UBL3: variants seen among roughly 807,000 people sequenced by gnomAD.
UBL3 encodes the protein ubiquitin like 3.
In UBL3, 6 loss-of-function variants were observed where a neutral mutation model predicts 18.4. That is an observed-to-expected ratio of 0.33 (90% CI 0.18 to 0.64). The LOEUF is 0.64. Ranked by LOEUF, UBL3 falls within the 30% of genes least tolerant of loss-of-function variation. The pLI is 0.76. For missense variants in UBL3, 109 were observed against 142.9 expected, an observed-to-expected ratio of 0.76 and a Z score of 1.21; for synonymous variants, 49 against 46.6, an observed-to-expected ratio of 1.05 and a Z score of -0.21.
intron 1 of UBL3, among the ~76,000 whole-genome samples, chr13:29,848,715 A>G (rs1259821202): frequency 6.6e-6 from 1 of 152,186 alleles, no homozygotes; most frequent in African/African-American, 2.4e-5. Context: ...CTGTAAGGTT[A>G]CACGGTTACT....
At chr13:29,820,687 G>A (rs887508597) in intron 1 of UBL3, among the ~76,000 whole-genome samples, 1 of 151,990 alleles carries the variant, frequency 6.6e-6, no homozygotes, top group Non-Finnish European at 1.5e-5. Context: ...ATTAACTATA[G>A]ACATTGCTTA....
At chr13:29,838,642 A>G (rs563061030) in intron 1 of UBL3, among the ~76,000 whole-genome samples, 17 of 152,352 alleles carry the variant, frequency 1.1e-4, no homozygotes, top group African/African-American at 3.8e-4. Flanking sequence ...AAAGATAGTA[A>G]AAGAATTTAT....
chr13:29,839,693 T>C (rs2892464), intron 1 of UBL3, among the ~76,000 whole-genome samples: 136,861 of 152,110 alleles, frequency 0.9, 61,746 homozygotes, highest in East Asian at 0.98. Flanking sequence ...TTTGGGAGGC[T>C]GAGGCGGGAG....
Position 29,827,603 on chromosome 13 carries a change from A to G in UBL3, c.27+21909T>C, listed in dbSNP as rs539435891. Among the ~76,000 whole-genome samples the G allele has an allele frequency of 2.7e-4, 41 of 152,282 alleles. No homozygotes were observed. The South Asian group carries it at 5.4e-3, about 20-fold the overall frequency. On this transcript the variant is annotated intron_variant, in intron 1 of 4. Transcript: ENST00000380680. Reference sequence around the variant, plus strand: ...CACATGAGATGGGTTTCCTGAATACAGCACACTGATGGGTCTTGACTCTTT... The same window carrying G: ...CACATGAGATGGGTTTCCTGAATACGGCACACTGATGGGTCTTGACTCTTT...
At chr13:29,803,612 GA>G (rs59408343) in intron 1 of UBL3, among the ~76,000 whole-genome samples, 7 of 143,876 alleles carry the variant, frequency 4.9e-5, no homozygotes, top group East Asian at 4.0e-4. Flanking sequence ...ATGGAAAACA[GA>G]AAAAAAAAAG....
chr13:29,772,236 A>G, intron 2 of UBL3, 38 bp from the exon 3 acceptor site: 1 of 1,532,548 alleles, frequency 6.5e-7, no homozygotes, highest in Non-Finnish European at 8.9e-7. Context: ...GTATATTCCA[A>G]CATATAATTA....
At chr13:29,841,540 T>C (rs1038848996) in intron 1 of UBL3, among the ~76,000 whole-genome samples, 3 of 152,194 alleles carry the variant, frequency 2.0e-5, no homozygotes, top group Non-Finnish European at 4.4e-5. Flanking sequence ...ATCCAGATGT[T>C]ACATAGTTTA....
Position 29,849,623 on chromosome 13 carries a change from C to G in UBL3, c.-85G>C. ...GAAGTCTTCACGTTACAGAAATAAA[C>G]CACGATTTTGACTGGTTCGTGATGT... On this transcript the variant is annotated 5_prime_UTR_variant, in exon 1 of 5. Coordinates refer to ENST00000380680, the MANE Select transcript of UBL3 (RefSeq NM_007106.4). 5.8e-6 allele frequency: 9 copies of G among 1,557,910 alleles called. No homozygotes were observed. The highest frequency in any genetic ancestry group is 7.9e-6 in the Non-Finnish European group (9 of 1,137,650).
intron 3 of UBL3, among the ~76,000 whole-genome samples, chr13:29,770,926 T>G (rs986664723): frequency 1.3e-5 from 2 of 152,020 alleles, no homozygotes; most frequent in Admixed American, 1.3e-4. Flanking sequence ...CCAGTGAAAC[T>G]CAGTGTGAGA....
chr13:29,794,938 TAA>T (rs1468158007), intron 1 of UBL3, among the ~76,000 whole-genome samples: 2 of 152,202 alleles, frequency 1.3e-5, no homozygotes, highest in Non-Finnish European at 2.9e-5. Flanking sequence ...AATGCATGCA[TAA>T]AGACTATAAA....
intron 1 of UBL3, among the ~76,000 whole-genome samples, chr13:29,827,943 T>A (rs1482811591): frequency 1.3e-5 from 2 of 152,196 alleles, no homozygotes; most frequent in African/African-American, 2.4e-5. Context: ...TTACGAAGCT[T>A]AGTTTGGCTG....
At chr13:29,777,826 G>A (rs561127584) in intron 1 of UBL3, among the ~76,000 whole-genome samples, 1 of 152,210 alleles carries the variant, frequency 6.6e-6, no homozygotes, top group Non-Finnish European at 1.5e-5. Context: ...GAGTGTAGTG[G>A]TACAATCTTG....
chr13:29,813,503 C>T (rs1308214080), intron 1 of UBL3, among the ~76,000 whole-genome samples: 5 of 152,026 alleles, frequency 3.3e-5, no homozygotes, highest in Non-Finnish European at 7.4e-5. Flanking sequence ...CGAGACTCTG[C>T]ATTCACAGGT....
rs1321515124 is a variant in UBL3, at chr13:29,766,917, GATTT to G, written c.*334_*337del. 1.0e-5 allele frequency: 2 copies of G among 191,986 alleles called. No individual in the cohort carries two copies. The highest frequency in any genetic ancestry group is 2.1e-5 in the Non-Finnish European group (2 of 94,520). 11.9% of individuals were successfully genotyped at this position (191,986 alleles called of 1,614,324 possible). A position where few individuals can be genotyped will look rare whatever the true frequency, so the allele number is the denominator to read the frequency against. Reference sequence around the variant, plus strand: ...AATGCAAATTGTATTTGGAACACTTGATTTATTAGTTCTGATGATGAAAATTTTG... The same window carrying G: ...AATGCAAATTGTATTTGGAACACTTGATTAGTTCTGATGATGAAAATTTTG... On this transcript the variant is annotated 3_prime_UTR_variant, in exon 5 of 5. Transcript: ENST00000380680.
chr13:29,813,847 A>C (rs1289651195), intron 1 of UBL3, among the ~76,000 whole-genome samples: 1 of 152,102 alleles, frequency 6.6e-6, no homozygotes, highest in Non-Finnish European at 1.5e-5. Flanking sequence ...CAAGAAATAA[A>C]GCAACCTTTA....
intron 1 of UBL3, among the ~76,000 whole-genome samples, chr13:29,843,598 T>G (rs1463735264): frequency 6.6e-6 from 1 of 152,196 alleles, no homozygotes; most frequent in East Asian, 1.9e-4. Flanking sequence ...CGCAAACATT[T>G]TTATTCAAAG....
In UBL3 at chr13:29,788,870, T is replaced by TGTGTGC. The variant is rs1180662351; in HGVS notation, c.28-11608_28-11607insGCACAC. Among the ~76,000 whole-genome samples, 94 of 20,922 alleles carry TGTGTGC rather than the reference T, an allele frequency of 4.5e-3. No homozygotes were observed. The East Asian group carries it at 0.073, about 16-fold the overall frequency. 13.7% of individuals were successfully genotyped at this position (20,922 alleles called of 152,430 possible). ...GTGTGTGTGTGTGTGTGTGTGTGTGTGCGCGCGCGCGCGCACGCGCACGTG... is the reference window on the plus strand; with the variant it reads ...GTGTGTGTGTGTGTGTGTGTGTGTGTGTGTGCGCGCGCGCGCGCGCACGCGCACGTG... On this transcript the variant is annotated intron_variant, in intron 1 of 4. Coordinates refer to ENST00000380680, the MANE Select transcript of UBL3 (RefSeq NM_007106.4).
chr13:29,800,715 T>C (rs1877738037), intron 1 of UBL3, among the ~76,000 whole-genome samples: 1 of 152,208 alleles, frequency 6.6e-6, no homozygotes, highest in Non-Finnish European at 1.5e-5. Context: ...TTCGGCAGGA[T>C]AGTTACCTGC....
intron 1 of UBL3, among the ~76,000 whole-genome samples, chr13:29,834,692 T>C (rs555516803): frequency 6.6e-6 from 1 of 152,158 alleles, no homozygotes; most frequent in Non-Finnish European, 1.5e-5. Flanking sequence ...AAGCTGAGGT[T>C]GAAATATCAG....
Sources: allele counts gnomAD v4.1 joint callset (sites outside exome capture counted in the v4.1 genomes callset), GRCh38; gene constraint gnomAD v4.1.1; transcripts MANE v1.5; gene names NCBI Gene and HGNC (gene_info 2026-07-23, HGNC 2026-07-21).